The following CSMD3 variants were observed in gnomAD, a reference collection of about 807,000 sequenced individuals.
CSMD3 encodes CUB and sushi domain-containing protein 3.
A neutral mutation model predicts 435.2 loss-of-function variants in CSMD3; 177 were observed. That is an observed-to-expected ratio of 0.41 (90% CI 0.36 to 0.46). The LOEUF (loss-of-function observed/expected upper bound fraction) is 0.46, where lower values mean the gene tolerates loss of function less well. Ranked by LOEUF, CSMD3 falls within the 20% of genes least tolerant of loss-of-function variation. The probability of loss-of-function intolerance (pLI) is 0.34; values close to 1 mark genes in which losing one functional copy is unlikely to be tolerated. For missense variants in CSMD3, 4,265 were observed against 4,504.6 expected (o/e 0.95, Z 1.52); for synonymous variants, 1,656 against 1,520.5 (o/e 1.09, Z -2.07).
chr8:112,525,538 G>A (rs889305666), intron 27 of CSMD3, among the ~76,000 whole-genome samples: 4 of 148,656 alleles, frequency 2.7e-5, no homozygotes, highest in Admixed American at 1.3e-4. Flanking sequence ...GGCTAACATG[G>A]TGAAACCCCG....
intron 1 of CSMD3, among the ~76,000 whole-genome samples, chr8:113,406,800 A>G (rs2094534759): frequency 6.6e-6 from 1 of 152,208 alleles, no homozygotes; most frequent in East Asian, 1.9e-4. Context: ...TTAAGAGCTT[A>G]TATTTAGTAA....
At chr8:113,122,236 G>T (rs1375347094) in intron 4 of CSMD3, among the ~76,000 whole-genome samples, 2 of 152,020 alleles carry the variant, frequency 1.3e-5, no homozygotes, top group African/African-American at 4.8e-5. Flanking sequence ...GTTTATTTAA[G>T]TCTTATTCAT....
intron 1 of CSMD3, among the ~76,000 whole-genome samples, chr8:113,353,526 C>G (rs2094203024): frequency 6.6e-6 from 1 of 152,038 alleles, no homozygotes; most frequent in Admixed American, 6.6e-5. Context: ...TTACTATGTT[C>G]CTGTTTTAGG....
intron 11 of CSMD3, among the ~76,000 whole-genome samples, chr8:112,851,699 G>T (rs535671889): frequency 6.6e-6 from 1 of 152,058 alleles, no homozygotes; most frequent in Non-Finnish European, 1.5e-5. Context: ...GGGAGGCGAA[G>T]GTTGCAGTGA....
chr8:112,927,156 G>A (rs2130676851), intron 9 of CSMD3, among the ~76,000 whole-genome samples: 1 of 152,088 alleles, frequency 6.6e-6, no homozygotes, highest in Non-Finnish European at 1.5e-5. Flanking sequence ...TCAAAAATGA[G>A]TAATTGCACA....
At chr8:113,265,303 A>C (rs754912717) in intron 3 of CSMD3, among the ~76,000 whole-genome samples, 3 of 151,546 alleles carry the variant, frequency 2.0e-5, no homozygotes, top group Non-Finnish European at 3.0e-5. Flanking sequence ...GCAGAAACAA[A>C]AAAAAATAGC....
intron 13 of CSMD3, among the ~76,000 whole-genome samples, chr8:112,777,403 A>G (rs766670956): frequency 1.3e-4 from 19 of 151,834 alleles, no homozygotes; most frequent in Non-Finnish European, 2.4e-4. Flanking sequence ...TATTTAATGT[A>G]TCTAACAGCT....
intron 10 of CSMD3, among the ~76,000 whole-genome samples, chr8:112,909,409 A>AT (rs969983876): frequency 6.6e-5 from 10 of 151,242 alleles, no homozygotes; most frequent in African/African-American, 2.2e-4. Context: ...TTAAACACAT[A>AT]TTTTTTTTAA....
At chr8:112,523,223 A>G (rs1223641655) in intron 27 of CSMD3, among the ~76,000 whole-genome samples, 1 of 151,968 alleles carries the variant, frequency 6.6e-6, no homozygotes, top group Non-Finnish European at 1.5e-5. Flanking sequence ...CCGTATTAAG[A>G]AAAGATATTA....
At chr8:113,300,295 G>C (rs976010656) in intron 2 of CSMD3, among the ~76,000 whole-genome samples, 1 of 151,894 alleles carries the variant, frequency 6.6e-6, no homozygotes, top group Non-Finnish European at 1.5e-5. Flanking sequence ...ACTAAATGTA[G>C]AACTACCATT....
At chr8:113,354,839 AT>A (rs759514368) in intron 1 of CSMD3, among the ~76,000 whole-genome samples, 51 of 151,940 alleles carry the variant, frequency 3.4e-4, no homozygotes, top group South Asian at 4.2e-4. Context: ...AGGATTCACC[AT>A]GTTGCCAAAG....
chr8:112,744,229 T>C (rs1009804134), intron 13 of CSMD3, among the ~76,000 whole-genome samples: 3 of 152,054 alleles, frequency 2.0e-5, no homozygotes, highest in Admixed American at 6.6e-5. Context: ...ATTGAGAGCC[T>C]AAACTAAATC....
chr8:113,314,500 TCTTTTGTAAAATAAACTA>T, intron 2 of CSMD3, 53 bp downstream of exon 2: 1 of 872,788 alleles, frequency 1.1e-6, no homozygotes, highest in East Asian at 2.4e-5. Context: ...ATGTTAAGCA[TCTTTTGTAAAATAAACTA>T]CTTTTACCCA....
intron 22 of CSMD3, among the ~76,000 whole-genome samples, chr8:112,619,131 T>C (rs1833873660): frequency 1.3e-5 from 2 of 152,128 alleles, no homozygotes; most frequent in African/African-American, 4.8e-5. Flanking sequence ...CTGATAATAT[T>C]ACTTTTCCTG....
chr8:112,290,228 G>T (rs149003461), intron 56 of CSMD3, among the ~76,000 whole-genome samples: 21 of 151,974 alleles, frequency 1.4e-4, no homozygotes, highest in Non-Finnish European at 2.2e-4. Flanking sequence ...CCTGTTAGTT[G>T]TACTCAGAGA....
At chr8:112,704,608 G>A (rs1216555085) in intron 13 of CSMD3, among the ~76,000 whole-genome samples, 4 of 151,998 alleles carry the variant, frequency 2.6e-5, no homozygotes, top group South Asian at 2.1e-4. Flanking sequence ...GTGAGTTTCC[G>A]AGAGTTTTAT....
chr8:113,078,828 G>A (rs563625565), intron 5 of CSMD3, among the ~76,000 whole-genome samples: 5 of 152,204 alleles, frequency 3.3e-5, no homozygotes, highest in South Asian at 2.1e-4. Flanking sequence ...TGTAAATGCC[G>A]CAGAAAGCAG....
chr8:113,209,352 T>C (rs931520432), intron 3 of CSMD3, among the ~76,000 whole-genome samples: 3 of 152,118 alleles, frequency 2.0e-5, no homozygotes, highest in Admixed American at 1.3e-4. Flanking sequence ...ACATGACTTA[T>C]TTTAAAGGTA....
intron 6 of CSMD3, among the ~76,000 whole-genome samples, chr8:112,999,644 A>T (rs1392359123): frequency 6.6e-6 from 1 of 151,592 alleles, no homozygotes; most frequent in Non-Finnish European, 1.5e-5. Context: ...TAGACCTTTT[A>T]GGAAAGGTCA....
Sources: gnomAD v4.1 joint callset for allele counts (sites outside exome capture counted in the v4.1 genomes callset) on GRCh38, gnomAD v4.1.1 for gene constraint, MANE v1.5 for transcripts, NCBI Gene and HGNC (gene_info 2026-07-23, HGNC 2026-07-21) for gene names.